The following ACSS3 variants were observed in gnomAD, a reference collection of about 807,000 sequenced individuals.
The protein encoded by ACSS3 is acyl-CoA synthetase short chain family member 3.
In ACSS3, 64 loss-of-function variants were observed where a neutral mutation model predicts 84.2. The ratio of observed to expected loss-of-function variants is 0.76; its 90% CI spans 0.62 to 0.94. ACSS3 has a LOEUF of 0.94. Among genes scored for constraint, ACSS3 ranks in the 40% least tolerant of loss-of-function variants. ACSS3 has a pLI of 0.00. For synonymous variants in ACSS3, 317 were observed against 310.1 expected, an observed-to-expected ratio of 1.02 and a Z score of -0.23; for missense variants, 815 against 867.6, an observed-to-expected ratio of 0.94 and a Z score of 0.76.
intron 7 of ACSS3, among the ~76,000 whole-genome samples, chr12:81,163,626 A>G (rs924560674): frequency 6.6e-6 from 1 of 152,182 alleles, no homozygotes; most frequent in African/African-American, 2.4e-5. Context: ...GTCATAGGAG[A>G]TGACAGCTCT....
intron 1 of ACSS3, among the ~76,000 whole-genome samples, chr12:81,084,111 G>A (rs1203466649): frequency 2.6e-5 from 4 of 152,138 alleles, no homozygotes; most frequent in Admixed American, 2.6e-4. Context: ...CACCCCTATT[G>A]CATTATACTT....
Position 81,078,444 on chromosome 12 carries a change from T to A in ACSS3, c.311+13T>A. Reference sequence around the variant, plus strand: ...CCTCTACCAGGTGGTGAGTGACTTCTGTGCCAACCCTGATCCCCCATCCCT... The same window carrying A: ...CCTCTACCAGGTGGTGAGTGACTTCAGTGCCAACCCTGATCCCCCATCCCT... On this transcript the variant is annotated intron_variant, in intron 1 of 15. Transcript: ENST00000548058. 1 of 1,611,446 alleles carries A rather than the reference T, an allele frequency of 6.2e-7. No homozygotes were observed. Among genetic ancestry groups the A allele is most frequent in the Non-Finnish European group, 8.5e-7 (1 of 1,179,948 alleles).
chr12:81,233,613 A>C (rs1593226309), intron 13 of ACSS3, 142 bp downstream of exon 13: 1 of 1,036,698 alleles, frequency 9.6e-7, no homozygotes. Flanking sequence ...CATCTCTCCC[A>C]CCTCACTTTC....
chr12:81,109,718 CT>C lies in ACSS3; in HGVS notation c.456+17del. The C allele has an allele frequency of 6.4e-7, 1 of 1,566,046 alleles. No homozygotes were observed. Among genetic ancestry groups the C allele is most frequent in the Non-Finnish European group, 8.6e-7 (1 of 1,156,600 alleles). On this transcript the variant is annotated intron_variant, in intron 2 of 15. Transcript: ENST00000548058. ...GTTCTGGAGCAGGTAATATCATAAACTTTATATATGTATATATGAATTCATA... is the reference window on the plus strand; with the variant it reads ...GTTCTGGAGCAGGTAATATCATAAACTTATATATGTATATATGAATTCATA...
intron 13 of ACSS3, among the ~76,000 whole-genome samples, chr12:81,239,231 A>G (rs2033715596): frequency 6.6e-6 from 1 of 151,854 alleles, no homozygotes; most frequent in Non-Finnish European, 1.5e-5. Flanking sequence ...TGTATGATTT[A>G]TATTCTTTTT....
In ACSS3 at chr12:81,253,363, C is replaced by T. The variant is rs755312807; in HGVS notation, c.1776C>T (p.Pro592=). 5.6e-6 allele frequency: 9 copies of T among 1,613,784 alleles called. No homozygotes were observed. Among genetic ancestry groups the T allele is most frequent in the Middle Eastern group, 1.6e-4 (1 of 6,082 alleles). Residue 592 remains proline, a synonymous_variant, in exon 14 of 16, where the codon CCC becomes CCT. Coordinates refer to ENST00000548058, the MANE Select transcript of ACSS3 (RefSeq NM_024560.4). ...GTGCTGTTGTTGGCAAGGAAGATCC[C>T]TTAAAAGGTCATGTCCCCTTAGCAC... The part of the protein sequence containing the change: ...ADCAVVGKED[P]LKGHVPLALC...
chr12:81,195,739 A>T lies in ACSS3; in HGVS notation c.1251-3602A>T, dbSNP rs545992981. On this transcript the variant is annotated intron_variant, in intron 8 of 15. Coordinates refer to ENST00000548058, the MANE Select transcript of ACSS3 (RefSeq NM_024560.4). ...CATACTGTTAGAGGGTACTCACAAA[A>T]GTTATTCAAAAAATTTCTTAACAAT... Among the ~76,000 whole-genome samples, 12 of 152,212 alleles carry T rather than the reference A, an allele frequency of 7.9e-5. 1 individual carries two copies. In the South Asian group the frequency reaches 2.5e-3, roughly 32 times the overall value.
At chr12:81,155,293 T>A (rs759075525) in intron 7 of ACSS3, among the ~76,000 whole-genome samples, 14 of 152,218 alleles carry the variant, frequency 9.2e-5, no homozygotes, top group Admixed American at 6.5e-5. Flanking sequence ...TTGCTCTATT[T>A]TCTTATTCTG....
At chr12:81,199,660 G>A (rs1304137878) in intron 9 of ACSS3, 3 of 1,470,106 alleles carry the variant, frequency 2.0e-6, no homozygotes, top group African/African-American at 2.8e-5. Flanking sequence ...TGGTCCCTAG[G>A]TATAAAGCAC....
At chr12:81,209,388 TA>T (rs5799519) in intron 9 of ACSS3, among the ~76,000 whole-genome samples, 58,944 of 145,614 alleles carry the variant, frequency 0.4, 12,100 homozygotes, top group Middle Eastern at 0.46. Flanking sequence ...TATTGCTATG[TA>T]AAAAAAAAAA....
chr12:81,155,894 AACC>A (rs1469813335), intron 7 of ACSS3, among the ~76,000 whole-genome samples: 1 of 152,216 alleles, frequency 6.6e-6, no homozygotes, highest in Non-Finnish European at 1.5e-5. Flanking sequence ...TGACATCATC[AACC>A]AACAAGATTT....
At chr12:81,079,285 G>T (rs937015104) in intron 1 of ACSS3, among the ~76,000 whole-genome samples, 1 of 152,148 alleles carries the variant, frequency 6.6e-6, no homozygotes, top group African/African-American at 2.4e-5. Context: ...GATACTGAGG[G>T]TGAAGCACAG....
intron 1 of ACSS3, among the ~76,000 whole-genome samples, chr12:81,081,508 G>C (rs7959271): frequency 6.6e-6 from 1 of 152,112 alleles, no homozygotes; most frequent in East Asian, 1.9e-4. Flanking sequence ...CTTCAGTCCT[G>C]GAACAACAAA....
At chr12:81,217,938 A>G (rs925600199) in intron 10 of ACSS3, among the ~76,000 whole-genome samples, 4 of 152,224 alleles carry the variant, frequency 2.6e-5, no homozygotes, top group African/African-American at 9.6e-5. Flanking sequence ...ACTAAAAGCT[A>G]TAATATCCTG....
intron 8 of ACSS3, among the ~76,000 whole-genome samples, chr12:81,178,233 A>G (rs1429361943): frequency 6.7e-6 from 1 of 149,532 alleles, no homozygotes; most frequent in East Asian, 2.0e-4. Flanking sequence ...CAAACACCGC[A>G]TGTTCTCACT....
chr12:81,228,483 A>G (rs903782319), intron 11 of ACSS3, among the ~76,000 whole-genome samples: 3 of 151,850 alleles, frequency 2.0e-5, no homozygotes, highest in African/African-American at 7.2e-5. Flanking sequence ...CTGGGAGACG[A>G]CGTATGCTTT....
intron 7 of ACSS3, among the ~76,000 whole-genome samples, chr12:81,171,788 T>A (rs1046585176): frequency 1.3e-5 from 2 of 152,120 alleles, no homozygotes; most frequent in East Asian, 3.8e-4. Context: ...CTTAGGAGAT[T>A]TTATCACTTT....
chr12:81,099,200 T>TTTGAAA (rs1276455786), intron 1 of ACSS3, among the ~76,000 whole-genome samples: 2 of 152,164 alleles, frequency 1.3e-5, no homozygotes, highest in African/African-American at 4.8e-5. Flanking sequence ...TTCCAATATG[T>TTTGAAA]TGGCTTTGGT....
chr12:81,189,083 A>G (rs533859270), intron 8 of ACSS3, among the ~76,000 whole-genome samples: 1 of 152,072 alleles, frequency 6.6e-6, no homozygotes, highest in East Asian at 1.9e-4. Flanking sequence ...TCCCCCTCCA[A>G]CCACCCTGGC....
Sources: gnomAD v4.1 joint callset for allele counts (sites outside exome capture counted in the v4.1 genomes callset) on GRCh38, gnomAD v4.1.1 for gene constraint, MANE v1.5 for transcripts, NCBI Gene and HGNC (gene_info 2026-07-23, HGNC 2026-07-21) for gene names.